The following DLGAP2 variants were observed in gnomAD, a reference collection of about 807,000 sequenced individuals.
DLGAP2 encodes disks large-associated protein 2.
In DLGAP2, 26 loss-of-function variants were observed where a neutral mutation model predicts 100.3. The observed-to-expected ratio is 0.26, with a 90% confidence interval of 0.19 to 0.36. The LOEUF is 0.36. Ranked by LOEUF, DLGAP2 falls within the 10% of genes least tolerant of loss-of-function variation. The probability of loss-of-function intolerance (pLI) is 1.00; values close to 1 mark genes in which losing one functional copy is unlikely to be tolerated. For missense variants in DLGAP2, 1,858 were observed against 1,453.2 expected (o/e 1.28, Z -4.53); for synonymous variants, 886 against 630.1 (o/e 1.41, Z -6.08).
chr8:1,432,315 C>G (rs1168779139), intron 3 of DLGAP2, among the ~76,000 whole-genome samples: 1 of 152,148 alleles, frequency 6.6e-6, no homozygotes, highest in Admixed American at 6.5e-5. Context: ...ATCTGAGAAA[C>G]TGCTTTTATA....
At chr8:996,374 C>T (rs1347890074) in intron 2 of DLGAP2, among the ~76,000 whole-genome samples, 4 of 152,106 alleles carry the variant, frequency 2.6e-5, no homozygotes, top group Admixed American at 6.5e-5. Flanking sequence ...GAAGAAATGG[C>T]GTCTGAGCAG....
intron 3 of DLGAP2, among the ~76,000 whole-genome samples, chr8:1,489,203 A>G (rs1289681761): frequency 6.6e-6 from 1 of 152,228 alleles, no homozygotes; most frequent in East Asian, 1.9e-4. Flanking sequence ...CTGCTCGAGA[A>G]TGCGACTAGT....
chr8:1,333,314 G>A (rs1262808553), intron 3 of DLGAP2, among the ~76,000 whole-genome samples: 1 of 152,190 alleles, frequency 6.6e-6, no homozygotes, highest in Non-Finnish European at 1.5e-5. Flanking sequence ...GGACGGGCAG[G>A]GCTGGGGTGT....
At chr8:959,855 A>T (rs1055651389) in intron 2 of DLGAP2, among the ~76,000 whole-genome samples, 3 of 152,202 alleles carry the variant, frequency 2.0e-5, no homozygotes, top group African/African-American at 7.2e-5. Flanking sequence ...TTTCATGCTC[A>T]TATAAAATGA....
intron 1 of DLGAP2, among the ~76,000 whole-genome samples, chr8:741,022 A>T (rs978410076): frequency 1.3e-5 from 2 of 152,234 alleles, no homozygotes; most frequent in Non-Finnish European, 2.9e-5. Flanking sequence ...CACACTTTCT[A>T]TGCAGTTAAA....
At chr8:1,544,797 A>T (rs1282537883) in intron 4 of DLGAP2, among the ~76,000 whole-genome samples, 2 of 151,266 alleles carry the variant, frequency 1.3e-5, no homozygotes, top group African/African-American at 4.9e-5. Flanking sequence ...CAGTGGTGTA[A>T]TCTTGGCTCA....
chr8:979,090 A>G (rs1326760376), intron 2 of DLGAP2, among the ~76,000 whole-genome samples: 1 of 152,086 alleles, frequency 6.6e-6, no homozygotes, highest in African/African-American at 2.4e-5. Flanking sequence ...GTCATTAAGA[A>G]TTCTAAATTG....
chr8:1,464,506 GGCACCCTTCCAGGAAA>G (rs149102661), intron 3 of DLGAP2, among the ~76,000 whole-genome samples: 28,225 of 129,374 alleles, frequency 0.22, 2,711 homozygotes, highest in South Asian at 0.31. Context: ...CTTCCAGGAC[GGCACCCTTCCAGGAAA>G]GCACCCTTCC....
At chr8:1,147,262 A>G (rs1010176023) in intron 2 of DLGAP2, among the ~76,000 whole-genome samples, 10 of 152,028 alleles carry the variant, frequency 6.6e-5, no homozygotes, top group African/African-American at 2.4e-4. Flanking sequence ...GTGCGTCAAA[A>G]AAATGATGCT....
chr8:871,228 C>T (rs1041765460), intron 1 of DLGAP2, among the ~76,000 whole-genome samples: 1 of 152,220 alleles, frequency 6.6e-6, no homozygotes, highest in South Asian at 2.1e-4. Flanking sequence ...CAGGGTCCCC[C>T]GTGCATTTCT....
chr8:1,704,440 T>C lies in DLGAP2; in HGVS notation c.*3034T>C, dbSNP rs575043883. ...CAAGTATGATAAACAGGACCTAGCG[T>C]TTAGCCCGGGAAAGGAGAATGCTGC... On this transcript the variant is annotated 3_prime_UTR_variant, in exon 15 of 15. Coordinates refer to ENST00000637795, the MANE Select transcript of DLGAP2 (RefSeq NM_001346810.2). 6.6e-6 allele frequency: 1 copy of C among 152,340 alleles called. No individual in the cohort carries two copies. Among genetic ancestry groups the C allele is most frequent in the South Asian group, 2.1e-4 (1 of 4,824 alleles). The allele number at this position is 152,340 out of a possible 1,614,324, so 9.4% of individuals were successfully genotyped here.
At chr8:1,572,003 G>C (rs1297333802) in intron 6 of DLGAP2, among the ~76,000 whole-genome samples, 1 of 136,104 alleles carries the variant, frequency 7.3e-6, no homozygotes, top group Admixed American at 7.2e-5. Flanking sequence ...AGGGTGAACT[G>C]TGGGGGCGTC....
chr8:1,126,870 C>G (rs1176021521), intron 2 of DLGAP2, among the ~76,000 whole-genome samples: 4 of 151,966 alleles, frequency 2.6e-5, no homozygotes, highest in Non-Finnish European at 5.9e-5. Flanking sequence ...TGGATTGTCC[C>G]TGGGGAAACG....
At chr8:762,334 T>G (rs1215528743) in intron 1 of DLGAP2, among the ~76,000 whole-genome samples, 1 of 152,222 alleles carries the variant, frequency 6.6e-6, no homozygotes, top group Admixed American at 6.5e-5. Flanking sequence ...ACAGGGTGTT[T>G]TAAAATGTAA....
intron 1 of DLGAP2, among the ~76,000 whole-genome samples, chr8:853,096 A>G (rs987278896): frequency 2.6e-5 from 4 of 152,230 alleles, no homozygotes; most frequent in Non-Finnish European, 5.9e-5. Flanking sequence ...GTATGAGTCT[A>G]ACATTGCACT....
chr8:1,607,414 T>G (rs1796835137), intron 6 of DLGAP2, among the ~76,000 whole-genome samples: 1 of 152,264 alleles, frequency 6.6e-6, no homozygotes, highest in African/African-American at 2.4e-5. Context: ...TTTAAGTCAC[T>G]GTCCTTTCTC....
chr8:814,765 A>G (rs1049602139), intron 1 of DLGAP2, among the ~76,000 whole-genome samples: 7 of 138,850 alleles, frequency 5.0e-5, no homozygotes, highest in African/African-American at 1.9e-4. Context: ...AGGCGGGAGG[A>G]TGGTGTGAAC....
chr8:1,641,977 GTCCCCACCTGTGTCA>G (rs1563275454), intron 8 of DLGAP2, among the ~76,000 whole-genome samples: 6 of 65,034 alleles, frequency 9.2e-5, no homozygotes, highest in African/African-American at 2.2e-4. Context: ...GACCCCGCCG[GTCCCCACCTGTGTCA>G]CCCTCGACCC....
At chr8:1,079,938 G>C (rs1212367729) in intron 2 of DLGAP2, among the ~76,000 whole-genome samples, 2 of 152,246 alleles carry the variant, frequency 1.3e-5, no homozygotes, top group Non-Finnish European at 2.9e-5. Flanking sequence ...CAGTGTAACA[G>C]TGCTGGAATG....
Sources: allele counts gnomAD v4.1 joint callset (sites outside exome capture counted in the v4.1 genomes callset), GRCh38; gene constraint gnomAD v4.1.1; transcripts MANE v1.5; gene names NCBI Gene and HGNC (gene_info 2026-07-23, HGNC 2026-07-21).